Variants in FOXP1 observed in about 807,000 individuals in gnomAD.
FOXP1 encodes forkhead box protein P1.
FOXP1 carries 15 observed loss-of-function variants against 98.2 expected under a neutral mutation model. That is an observed-to-expected ratio of 0.15 (90% CI 0.10 to 0.24). The LOEUF (loss-of-function observed/expected upper bound fraction) is 0.24. FOXP1 is among the 10% of genes least tolerant of loss of function. The pLI is 1.00. For synonymous variants in FOXP1, 371 were observed against 314.5 expected (o/e 1.18, Z -1.90); for missense variants, 633 against 848.5 (o/e 0.75, Z 3.15).
chr3:71,468,634 C>A (rs577280755), intron 3 of FOXP1, among the ~76,000 whole-genome samples: 1 of 152,300 alleles, frequency 6.6e-6, no homozygotes, highest in African/African-American at 2.4e-5. Flanking sequence ...CTAAAAAGAT[C>A]CCATTCACCA....
intron 5 of FOXP1, 40 bp from the exon 6 acceptor site, chr3:71,198,432 G>GGGGGGGGGGGGGC: frequency 4.1e-6 from 2 of 491,032 alleles, no homozygotes; most frequent in East Asian, 5.7e-5. Context: ...GGGAGGGGGG[G>GGGGGGGGGGGGGC]AGAAAAAAAA....
chr3:70,970,096 C>G (rs1478727683), intron 19 of FOXP1: 1 of 152,498 alleles, frequency 6.6e-6, no homozygotes, highest in Non-Finnish European at 1.5e-5. Context: ...GCGTCTTCAT[C>G]TCCTGGTACC....
chr3:71,110,722 GT>G (rs575618909), intron 7 of FOXP1, among the ~76,000 whole-genome samples: 22 of 152,200 alleles, frequency 1.4e-4, no homozygotes, highest in Admixed American at 1.3e-3. Flanking sequence ...AAACTGTTCA[GT>G]TTGATCCTTT....
chr3:70,968,306 A>G lies in FOXP1; in HGVS notation c.1723-2250T>C, dbSNP rs1575719793. The G allele has an allele frequency of 2.0e-5, 3 of 152,178 alleles. No homozygotes were observed. In the South Asian group the frequency reaches 6.2e-4, roughly 32 times the overall value. 9.4% of individuals were successfully genotyped at this position (152,178 alleles called of 1,614,324 possible). On this transcript the variant is annotated intron_variant, in intron 19 of 20. Transcript: ENST00000649528. ...CACGCTCTCTGTTAAGCAAGTGATC[A>G]GAGCAACCCACCCAAGGTTAGATAA...
At chr3:71,481,412 A>G (rs35647437) in intron 3 of FOXP1, among the ~76,000 whole-genome samples, 1 of 152,238 alleles carries the variant, frequency 6.6e-6, no homozygotes, top group Non-Finnish European at 1.5e-5. Context: ...GTAGATGTTC[A>G]CTACATATCA....
intron 12 of FOXP1, 42 bp downstream of exon 12, chr3:71,015,507 T>G (rs1234367113): frequency 3.7e-6 from 5 of 1,361,632 alleles, no homozygotes; most frequent in Non-Finnish European, 5.2e-6. Flanking sequence ...GTGGGAGGTG[T>G]TGGCTATGTA....
intron 6 of FOXP1, among the ~76,000 whole-genome samples, chr3:71,165,241 T>A (rs1314604312): frequency 6.1e-5 from 6 of 99,108 alleles, no homozygotes; most frequent in Admixed American, 2.4e-4. Context: ...GAAAGCTATT[T>A]TTTTGTAAAA....
intron 4 of FOXP1, among the ~76,000 whole-genome samples, chr3:71,353,681 T>A (rs1401863718): frequency 6.6e-6 from 1 of 152,200 alleles, no homozygotes; most frequent in Non-Finnish European, 1.5e-5. Context: ...AGTTACTCCA[T>A]AAGTCGTGTA....
intron 20 of FOXP1, among the ~76,000 whole-genome samples, 168 bp from the exon 21 acceptor site, chr3:70,959,559 T>C (rs565333650): frequency 1.3e-5 from 2 of 152,348 alleles, no homozygotes; most frequent in African/African-American, 4.8e-5. Flanking sequence ...GAACGAAATC[T>C]TACTACATTT....
At chr3:71,373,556 A>G (rs1280716296) in intron 3 of FOXP1, among the ~76,000 whole-genome samples, 1 of 152,228 alleles carries the variant, frequency 6.6e-6, no homozygotes, top group African/African-American at 2.4e-5. Flanking sequence ...TAGTTATAAA[A>G]AAATCATTAA....
At chr3:71,008,485 A>C (rs2043088359) in intron 12 of FOXP1, among the ~76,000 whole-genome samples, 1 of 152,142 alleles carries the variant, frequency 6.6e-6, no homozygotes, top group Non-Finnish European at 1.5e-5. Context: ...CAAGCAATGC[A>C]GGGCTGGACG....
intron 2 of FOXP1, among the ~76,000 whole-genome samples, chr3:71,557,947 G>A (rs2046256646): frequency 6.6e-6 from 1 of 152,138 alleles, no homozygotes; most frequent in African/African-American, 2.4e-5. Flanking sequence ...CTCCTAAGTA[G>A]CTGGAATTAT....
intron 3 of FOXP1, among the ~76,000 whole-genome samples, chr3:71,391,548 C>T (rs761580752): frequency 5.3e-5 from 8 of 152,320 alleles, no homozygotes; most frequent in African/African-American, 7.2e-5. Context: ...TTCGCTTGTG[C>T]GGGCCTCAAT....
intron 7 of FOXP1, among the ~76,000 whole-genome samples, chr3:71,095,108 C>A (rs562182730): frequency 2.0e-5 from 3 of 152,178 alleles, no homozygotes; most frequent in African/African-American, 7.2e-5. Flanking sequence ...GCGTAGGCAG[C>A]GAAATATTTA....
At chr3:71,284,628 A>G (rs1285934043) in intron 5 of FOXP1, among the ~76,000 whole-genome samples, 1 of 152,194 alleles carries the variant, frequency 6.6e-6, no homozygotes, top group Non-Finnish European at 1.5e-5. Flanking sequence ...AAAACTGGAC[A>G]TGGTGTCAAT....
At chr3:71,123,441 T>C (rs2058930644) in intron 6 of FOXP1, among the ~76,000 whole-genome samples, 1 of 152,240 alleles carries the variant, frequency 6.6e-6, no homozygotes, top group South Asian at 2.1e-4. Flanking sequence ...TTCTCAGCTC[T>C]TCCTCAAGCC....
At chr3:71,169,158 A>G (rs962488469) in intron 6 of FOXP1, among the ~76,000 whole-genome samples, 1 of 152,130 alleles carries the variant, frequency 6.6e-6, no homozygotes, top group African/African-American at 2.4e-5. Flanking sequence ...GCTGTATTTG[A>G]CTATTTCATC....
chr3:71,279,186 A>AC (rs2071243963), intron 5 of FOXP1, among the ~76,000 whole-genome samples: 1 of 151,646 alleles, frequency 6.6e-6, no homozygotes, highest in African/African-American at 2.4e-5. Context: ...AAAAAAAAAA[A>AC]AAAAAAAGAA....
chr3:70,987,931 G>A lies in FOXP1; in HGVS notation c.1146+63C>T. The A allele has an allele frequency of 2.7e-6, 4 of 1,470,156 alleles. No individual in the cohort carries two copies. In the South Asian group the frequency reaches 3.4e-5, roughly 13 times the overall value. 91.1% of individuals were successfully genotyped at this position (1,470,156 alleles called of 1,614,324 possible). A position where few individuals can be genotyped will look rare whatever the true frequency, so the allele number is the denominator to read the frequency against. On this transcript the variant is annotated intron_variant, in intron 14 of 20. Transcript: ENST00000649528. ...GGTCCTCCTTCCTCCATTTGGGGTGGGGAAGTAGAAAAGGAATACTGTGAG... is the reference window on the plus strand; with the variant it reads ...GGTCCTCCTTCCTCCATTTGGGGTGAGGAAGTAGAAAAGGAATACTGTGAG...
Sources: gnomAD v4.1 joint callset for allele counts (sites outside exome capture counted in the v4.1 genomes callset) on GRCh38, gnomAD v4.1.1 for gene constraint, MANE v1.5 for transcripts, NCBI Gene and HGNC (gene_info 2026-07-23, HGNC 2026-07-21) for gene names.